RFX3: variants seen among roughly 807,000 people sequenced by gnomAD.
RFX3 encodes regulatory factor X3.
In RFX3, 14 loss-of-function variants were observed where a neutral mutation model predicts 98.6. The observed-to-expected ratio is 0.14, with a 90% confidence interval of 0.09 to 0.22. The LOEUF (loss-of-function observed/expected upper bound fraction) is 0.22, where lower values mean the gene tolerates loss of function less well. Among genes scored for constraint, RFX3 ranks in the 10% least tolerant of loss-of-function variants. The probability of loss-of-function intolerance (pLI) is 1.00; values close to 1 mark genes in which losing one functional copy is unlikely to be tolerated. For synonymous variants in RFX3, 383 were observed against 328.4 expected, an observed-to-expected ratio of 1.17 and a Z score of -1.80; for missense variants, 639 against 926.9, an observed-to-expected ratio of 0.69 and a Z score of 4.03.
chr9:3,320,414 T>C (rs2130723860), intron 4 of RFX3, among the ~76,000 whole-genome samples: 1 of 151,602 alleles, frequency 6.6e-6, no homozygotes, highest in Non-Finnish European at 1.5e-5. Context: ...GCTAGCCGGG[T>C]GTGGTGGCGC....
intron 15 of RFX3, among the ~76,000 whole-genome samples, chr9:3,229,105 C>A (rs501805): frequency 6.6e-6 from 1 of 152,022 alleles, no homozygotes; most frequent in South Asian, 2.1e-4. Flanking sequence ...TTAGCCTCTT[C>A]GCAGAAGGAT....
chr9:3,264,725 G>A (rs1043452889), intron 12 of RFX3, among the ~76,000 whole-genome samples: 5 of 152,206 alleles, frequency 3.3e-5, no homozygotes, highest in African/African-American at 1.2e-4. Flanking sequence ...TTGGAATGCT[G>A]TTTCCTCTGT....
intron 15 of RFX3, among the ~76,000 whole-genome samples, chr9:3,230,665 A>G (rs1220500752): frequency 4.6e-5 from 7 of 152,232 alleles, no homozygotes; most frequent in Non-Finnish European, 7.3e-5. Flanking sequence ...AACAGTTATT[A>G]CTAACTGACA....
intron 1 of RFX3, among the ~76,000 whole-genome samples, chr9:3,397,222 C>G (rs1249561035): frequency 6.6e-6 from 1 of 152,186 alleles, no homozygotes; most frequent in Non-Finnish European, 1.5e-5. Flanking sequence ...CCTTTTACTA[C>G]TTATGCATTC....
intron 13 of RFX3, among the ~76,000 whole-genome samples, chr9:3,258,120 T>C (rs1822377897): frequency 6.6e-6 from 1 of 152,118 alleles, no homozygotes; most frequent in African/African-American, 2.4e-5. Flanking sequence ...TAAACAAAAC[T>C]AACCTCAAGC....
chr9:3,356,242 G>A (rs1835757092), intron 2 of RFX3, among the ~76,000 whole-genome samples: 1 of 150,396 alleles, frequency 6.6e-6, no homozygotes, highest in South Asian at 2.1e-4. Flanking sequence ...TATGAAAACA[G>A]AAAAAAATAA....
At chr9:3,498,779 G>A (rs1471943392) in intron 1 of RFX3, among the ~76,000 whole-genome samples, 1 of 152,064 alleles carries the variant, frequency 6.6e-6, no homozygotes, top group Non-Finnish European at 1.5e-5. Context: ...CATGACAACT[G>A]TTTGTACCTC....
intron 1 of RFX3, among the ~76,000 whole-genome samples, chr9:3,450,076 G>C (rs1044312218): frequency 2.6e-5 from 4 of 152,148 alleles, no homozygotes; most frequent in African/African-American, 9.7e-5. Context: ...AATTCAACTT[G>C]TTTATTGAAA....
At chr9:3,320,901 A>C (rs948374017) in intron 4 of RFX3, among the ~76,000 whole-genome samples, 1 of 150,664 alleles carries the variant, frequency 6.6e-6, no homozygotes, top group Non-Finnish European at 1.5e-5. Context: ...TGGATAAGGC[A>C]GTTTCCAGTC....
intron 3 of RFX3, among the ~76,000 whole-genome samples, chr9:3,338,612 C>A (rs1321891100): frequency 6.6e-6 from 1 of 152,106 alleles, no homozygotes; most frequent in African/African-American, 2.4e-5. Flanking sequence ...AGAGCTAGGT[C>A]CCACCCCTAA....
At position 3,270,530 on chromosome 9, in the gene RFX3, T is replaced by C. The variant is rs1824282445; in HGVS notation, c.1203-5A>G. 2 of 1,606,896 alleles carry C rather than the reference T, an allele frequency of 1.2e-6. No homozygotes were observed. Among genetic ancestry groups the C allele is most frequent in the Non-Finnish European group, 1.7e-6 (2 of 1,177,656 alleles). ...CTTTCTATTTCACTCAGATTGCTGG[T>C]GTGAATAAATGTAGCAAATGAATAG... is the stretch of plus-strand genomic sequence containing the variant. On this transcript the variant is annotated splice_region_variant and splice_polypyrimidine_tract_variant and intron_variant, in intron 10 of 16. Transcript: ENST00000617270.
At position 3,218,947 on chromosome 9, in the gene RFX3, G is replaced by C. The variant is rs933277376; in HGVS notation, c.*6095C>G. ...ATCTTAAAAAAACACAATGAAAGAA[G>C]TTTTACCTAGAAGGTACGAAAGCCC... is the stretch of plus-strand genomic sequence containing the variant. On this transcript the variant is annotated 3_prime_UTR_variant, in exon 17 of 17. Coordinates refer to ENST00000617270, the MANE Select transcript of RFX3 (RefSeq NM_001282116.2). 1.3e-5 allele frequency: 2 copies of C among 151,966 alleles called. No homozygotes were observed. Among genetic ancestry groups the C allele is most frequent in the African/African-American group, 2.4e-5 (1 of 41,392 alleles). The allele number at this position is 151,966 out of a possible 1,614,324, so 9.4% of individuals were successfully genotyped here.
intron 7 of RFX3, among the ~76,000 whole-genome samples, chr9:3,287,344 C>G (rs922419740): frequency 6.6e-6 from 1 of 151,876 alleles, no homozygotes; most frequent in South Asian, 2.1e-4. Context: ...AAAATCATAA[C>G]TTCTGTCTTG....
At chr9:3,503,629 T>C (rs1165448765) in intron 1 of RFX3, among the ~76,000 whole-genome samples, 2 of 152,108 alleles carry the variant, frequency 1.3e-5, no homozygotes, top group Non-Finnish European at 2.9e-5. Flanking sequence ...TTTGTCAAAA[T>C]AATAGAATTC....
At chr9:3,453,710 CA>C (rs36111393) in intron 1 of RFX3, 41,144 of 88,278 alleles carry the variant, frequency 0.47, 6,614 homozygotes, top group East Asian at 0.67. Flanking sequence ...ACTCTTTTTT[CA>C]AAAAAAAAAA....
chr9:3,226,465 G>C (rs1563763577), intron 16 of RFX3, among the ~76,000 whole-genome samples: 3 of 152,168 alleles, frequency 2.0e-5, no homozygotes, highest in South Asian at 4.1e-4. Flanking sequence ...GCCACCATGA[G>C]CAAGGTCTGA....
intron 1 of RFX3, among the ~76,000 whole-genome samples, chr9:3,396,593 C>G (rs1310304422): frequency 6.6e-6 from 1 of 151,756 alleles, no homozygotes; most frequent in Non-Finnish European, 1.5e-5. Flanking sequence ...ATTTCTAGTT[C>G]TAGATCCCTG....
At chr9:3,505,125 A>G (rs1309691854) in intron 1 of RFX3, among the ~76,000 whole-genome samples, 1 of 98,676 alleles carries the variant, frequency 1.0e-5, no homozygotes, top group Non-Finnish European at 1.8e-5. Context: ...TTATTTTTAT[A>G]TATTTATATT....
At chr9:3,416,419 C>A (rs895070663) in intron 1 of RFX3, among the ~76,000 whole-genome samples, 1 of 152,060 alleles carries the variant, frequency 6.6e-6, no homozygotes, top group Non-Finnish European at 1.5e-5. Context: ...CCTGTTTCTG[C>A]CATTTACTAA....
Sources: gnomAD v4.1 joint callset for allele counts (sites outside exome capture counted in the v4.1 genomes callset) on GRCh38, gnomAD v4.1.1 for gene constraint, MANE v1.5 for transcripts, NCBI Gene and HGNC (gene_info 2026-07-23, HGNC 2026-07-21) for gene names.